Variants in PIP4K2A observed in about 807,000 individuals in gnomAD.
PIP4K2A encodes the protein phosphatidylinositol 5-phosphate 4-kinase type-2 alpha.
PIP4K2A carries 14 observed loss-of-function variants against 42.9 expected under a neutral mutation model. The ratio of observed to expected loss-of-function variants is 0.33; its 90% confidence interval spans 0.22 to 0.51. PIP4K2A has a LOEUF of 0.51. Among genes scored for constraint, PIP4K2A ranks in the 20% least tolerant of loss-of-function variants. The pLI, the probability that PIP4K2A is intolerant of heterozygous loss-of-function variation, is 0.97. For synonymous variants in PIP4K2A, 192 were observed against 192.2 expected, an observed-to-expected ratio of 1.00 and a Z score of 0.01; for missense variants, 434 against 519.8, an observed-to-expected ratio of 0.83 and a Z score of 1.61.
In PIP4K2A at chr10:22,536,038, A is replaced by G. The variant is rs1159641665; in HGVS notation, c.*1163T>C. 6 of 398,346 alleles carry G rather than the reference A, an allele frequency of 1.5e-5. No homozygotes were observed. The highest frequency in any genetic ancestry group is 1.2e-4 in the African/African-American group (6 of 48,644). 24.7% of individuals were successfully genotyped at this position (398,346 alleles called of 1,614,324 possible). ...ACTGTGACTTTACATGTAAACTTCA[A>G]AAATCACATGCTGTACATCAAATTT... On this transcript the variant is annotated 3_prime_UTR_variant, in exon 10 of 10. Transcript: ENST00000376573.
At position 22,670,664 on chromosome 10, in the gene PIP4K2A, T is replaced by TA. The variant is rs202213844; in HGVS notation, c.144+43518dup. On this transcript the variant is annotated intron_variant, in intron 1 of 9. Coordinates refer to ENST00000376573, the MANE Select transcript of PIP4K2A (RefSeq NM_005028.5). The stretch of plus-strand genomic sequence containing the variant: ...TTACATAATTTTAAAGCTAATTTAG[T>TA]AAAAACTTATATATTTCTCCATAGT... Among the ~76,000 whole-genome samples, 1,427 of 152,300 alleles carry TA rather than the reference T, an allele frequency of 9.4e-3. 29 individuals are homozygous for TA. The highest frequency in any genetic ancestry group is 0.033 in the African/African-American group (1,370 of 41,544).
At position 22,536,725 on chromosome 10, in the gene PIP4K2A, A is replaced by AAAAAAAAAACAAAACAAAAC. The variant is rs1835932965; in HGVS notation, c.*475_*476insGTTTTGTTTTGTTTTTTTTT. The AAAAAAAAAACAAAACAAAAC allele has an allele frequency of 8.1e-6, 1 of 124,206 alleles. No individual in the cohort carries two copies. Among genetic ancestry groups the AAAAAAAAAACAAAACAAAAC allele is most frequent in the East Asian group, 3.0e-4 (1 of 3,372 alleles). 7.7% of individuals were successfully genotyped at this position (124,206 alleles called of 1,614,324 possible). A position where few individuals can be genotyped will look rare whatever the true frequency, so the allele number is the denominator to read the frequency against. On this transcript the variant is annotated 3_prime_UTR_variant, in exon 10 of 10. Transcript: ENST00000376573. ...ACATCTTTCAACTCCAAAAAAAAAA[A>AAAAAAAAAACAAAACAAAAC]AAAAAAAAAAAAACTGATCCACAGT...
intron 6 of PIP4K2A, among the ~76,000 whole-genome samples, chr10:22,560,889 C>T (rs1836675265): frequency 6.6e-6 from 1 of 152,236 alleles, no homozygotes; most frequent in Non-Finnish European, 1.5e-5. Context: ...GTCAAATCCC[C>T]CAGAAATCAA....
In PIP4K2A at chr10:22,676,952, T is replaced by G. The variant is rs548551317; in HGVS notation, c.144+37231A>C. Among the ~76,000 whole-genome samples, 3 of 152,328 alleles carry G rather than the reference T, an allele frequency of 2.0e-5. No homozygotes were observed. The East Asian group carries it at 5.8e-4, about 29-fold the overall frequency. Reference sequence around the variant, plus strand: ...CAATATTTATTACCTGCTAGTAGGTTAGTCTGGTACAATCTGTGCCACCAA... The same window carrying G: ...CAATATTTATTACCTGCTAGTAGGTGAGTCTGGTACAATCTGTGCCACCAA... On this transcript the variant is annotated intron_variant, in intron 1 of 9. Coordinates refer to ENST00000376573, the MANE Select transcript of PIP4K2A (RefSeq NM_005028.5).
At chr10:22,597,719 GAA>G (rs10711192) in intron 3 of PIP4K2A, among the ~76,000 whole-genome samples, 30 of 146,460 alleles carry the variant, frequency 2.0e-4, no homozygotes, top group African/African-American at 6.9e-4. Context: ...GCTCTGCATG[GAA>G]AAAAAAAAAG....
intron 1 of PIP4K2A, among the ~76,000 whole-genome samples, chr10:22,664,036 TATATATATATACATATGTATATATAC>T (rs1839260440): frequency 1.0e-4 from 11 of 108,618 alleles, no homozygotes; most frequent in African/African-American, 5.5e-4. Flanking sequence ...TATATACATA[TATATATATATACATATGTATATATAC>T]ATATATATAT....
intron 1 of PIP4K2A, among the ~76,000 whole-genome samples, chr10:22,616,166 GTA>G (rs1441557314): frequency 6.6e-6 from 1 of 152,146 alleles, no homozygotes. Flanking sequence ...CCTGATTATG[GTA>G]TGACTCAAGA....
chr10:22,657,561 C>G (rs766679308), intron 1 of PIP4K2A, among the ~76,000 whole-genome samples: 1 of 152,268 alleles, frequency 6.6e-6, no homozygotes, highest in Admixed American at 6.5e-5. Flanking sequence ...CAAAGACAGA[C>G]GCACTGCTTT....
At chr10:22,548,346 C>A (rs1682196133) in intron 7 of PIP4K2A, among the ~76,000 whole-genome samples, 1 of 152,252 alleles carries the variant, frequency 6.6e-6, no homozygotes, top group African/African-American at 2.4e-5. Flanking sequence ...TTAGAGACAA[C>A]AAAAGAGCTA....
intron 3 of PIP4K2A, 57 bp from the exon 4 acceptor site, chr10:22,591,838 G>A: frequency 7.2e-7 from 1 of 1,392,994 alleles, no homozygotes; most frequent in Non-Finnish European, 9.6e-7. Context: ...AGTTAAAGGT[G>A]TGGCTTTCCG....
At position 22,631,841 on chromosome 10, in the gene PIP4K2A, A is replaced by G. The variant is rs546835828; in HGVS notation, c.145-22124T>C. Among the ~76,000 whole-genome samples the G allele has an allele frequency of 1.5e-4, 23 of 152,330 alleles. No homozygotes were observed. The South Asian group carries it at 2.9e-3, about 19-fold the overall frequency. ...ACAATCTCTAAGTATCTCCCACAAC[A>G]TACTTAAGAACAAAGGGAAACAACA... is the stretch of plus-strand genomic sequence containing the variant. On this transcript the variant is annotated intron_variant, in intron 1 of 9. Transcript: ENST00000376573.
At chr10:22,660,265 A>G (rs938089772) in intron 1 of PIP4K2A, among the ~76,000 whole-genome samples, 1 of 152,100 alleles carries the variant, frequency 6.6e-6, no homozygotes, top group East Asian at 1.9e-4. Context: ...GAGCTCAGGA[A>G]TTCGAGACCA....
At chr10:22,672,775 G>GT (rs900773683) in intron 1 of PIP4K2A, among the ~76,000 whole-genome samples, 4 of 152,148 alleles carry the variant, frequency 2.6e-5, no homozygotes, top group Admixed American at 6.5e-5. Flanking sequence ...CACACCAACC[G>GT]TAATTTAGGA....
At chr10:22,613,445 C>T (rs971026535) in intron 1 of PIP4K2A, among the ~76,000 whole-genome samples, 3 of 152,088 alleles carry the variant, frequency 2.0e-5, no homozygotes, top group African/African-American at 7.2e-5. Context: ...AGGGAAGCGA[C>T]TTTCCTGTTC....
At chr10:22,647,718 T>C (rs994875945) in intron 1 of PIP4K2A, among the ~76,000 whole-genome samples, 10 of 152,276 alleles carry the variant, frequency 6.6e-5, no homozygotes, top group South Asian at 2.1e-4. Context: ...GAAGACAGGA[T>C]TGTGGGGACT....
intron 1 of PIP4K2A, among the ~76,000 whole-genome samples, chr10:22,685,147 A>G (rs927176894): frequency 6.6e-6 from 1 of 152,130 alleles, no homozygotes; most frequent in African/African-American, 2.4e-5. Context: ...TTGAGTATTT[A>G]AAGTTATGAG....
At chr10:22,568,974 C>A in intron 5 of PIP4K2A, 1 of 1,481,730 alleles carries the variant, frequency 6.7e-7, no homozygotes, top group Non-Finnish European at 9.1e-7. Flanking sequence ...ATCTATTGCC[C>A]TGGGTTACTT....
chr10:22,681,988 T>C (rs1839671613), intron 1 of PIP4K2A, among the ~76,000 whole-genome samples: 1 of 152,140 alleles, frequency 6.6e-6, no homozygotes, highest in Admixed American at 6.5e-5. Context: ...AATACTTTTT[T>C]AGAAAACCAT....
At chr10:22,640,874 T>G (rs933312839) in intron 1 of PIP4K2A, among the ~76,000 whole-genome samples, 1 of 152,092 alleles carries the variant, frequency 6.6e-6, no homozygotes, top group Non-Finnish European at 1.5e-5. Context: ...AGAGCAAGGA[T>G]GTGGAGCCCA....
Sources: gnomAD v4.1 joint callset for allele counts (sites outside exome capture counted in the v4.1 genomes callset) on GRCh38, gnomAD v4.1.1 for gene constraint, MANE v1.5 for transcripts, NCBI Gene and HGNC (gene_info 2026-07-23, HGNC 2026-07-21) for gene names.